FOS: variants seen among roughly 807,000 people sequenced by gnomAD.
FOS encodes protein c-Fos.
A neutral mutation model predicts 27.2 loss-of-function variants in FOS; 9 were observed. That is an observed-to-expected ratio of 0.33 (90% CI 0.20 to 0.58). FOS has a LOEUF of 0.58. FOS is among the 20% of genes least tolerant of loss of function. FOS has a pLI of 0.87. For missense variants in FOS, 405 were observed against 483.5 expected (o/e 0.84, Z 1.52); for synonymous variants, 213 against 205.1 (o/e 1.04, Z -0.33).
chr14:75,281,680 G>A lies in FOS; in HGVS notation c.*256G>A, dbSNP rs191761474. The A allele has an allele frequency of 2.0e-6, 1 of 511,114 alleles. No homozygotes were observed. The highest frequency in any genetic ancestry group is 3.4e-5 in the Admixed American group (1 of 29,786). 31.7% of individuals were successfully genotyped at this position (511,114 alleles called of 1,614,324 possible). The stretch of plus-strand genomic sequence containing the variant: ...GTTCCCAGTGACACTTCAGAGAGCT[G>A]GTAGTTAGTAGCATGTTGAGCCAGG... On this transcript the variant is annotated 3_prime_UTR_variant, in exon 4 of 4. Coordinates refer to ENST00000303562, the MANE Select transcript of FOS (RefSeq NM_005252.4). The surrounding 1 kb of genome is among the most constrained non-coding windows in gnomAD (Gnocchi z 4.7).
rs1317506907 is a variant in FOS at position 75,281,187 on chromosome 14, C to G, written c.906C>G (p.Asp302Glu). ...TATCTGGGTCCTTCTATGCAGCAGA[C>G]TGGGAGCCTCTGCACAGTGGCTCCC... is the stretch of plus-strand genomic sequence containing the variant. The part of the protein sequence containing the change: ...MDLSGSFYAA[D>E]WEPLHSGSLG... The change falls in exon 4 of 4, where the codon GAC becomes GAG. Residue 302 changes from aspartate to glutamate, a missense_variant. Coordinates refer to ENST00000303562, the MANE Select transcript of FOS (RefSeq NM_005252.4). The surrounding 1 kb of genome is among the most constrained non-coding windows in gnomAD (Gnocchi z 4.7). 1 of 1,612,346 alleles carries G rather than the reference C, an allele frequency of 6.2e-7. No homozygotes were observed. The highest frequency in any genetic ancestry group is 8.5e-7 in the Non-Finnish European group (1 of 1,180,030).
At position 75,281,528 on chromosome 14, in the gene FOS, C is replaced by T; in HGVS notation, c.*104C>T. 1.6e-6 allele frequency: 2 copies of T among 1,265,312 alleles called. No individual in the cohort carries two copies. The highest frequency in any genetic ancestry group is 2.2e-6 in the Non-Finnish European group (2 of 925,962). 78.4% of individuals were successfully genotyped at this position (1,265,312 alleles called of 1,614,324 possible). A position where few individuals can be genotyped will look rare whatever the true frequency, so the allele number is the denominator to read the frequency against. ...TCTTCCCTAGAGGGTTCCTGTAGACCTAGGGAGGACCTTATCTGTGCGTGA... is the reference window on the plus strand; with the variant it reads ...TCTTCCCTAGAGGGTTCCTGTAGACTTAGGGAGGACCTTATCTGTGCGTGA... On this transcript the variant is annotated 3_prime_UTR_variant, in exon 4 of 4. Transcript: ENST00000303562. The surrounding 1 kb of genome is among the most constrained non-coding windows in gnomAD (Gnocchi z 4.7).
chr14:75,279,326 T>C lies in FOS; in HGVS notation c.141+203T>C. On this transcript the variant is annotated intron_variant, in intron 1 of 3. Transcript: ENST00000303562. The surrounding 1 kb of genome is among the most constrained non-coding windows in gnomAD (Gnocchi z 5.4). ...GCCATAGTAAGAATTGGTTCCCCCTTCGGGAGGCAGGTTCGTTCTGAGCAA... is the reference window on the plus strand; with the variant it reads ...GCCATAGTAAGAATTGGTTCCCCCTCCGGGAGGCAGGTTCGTTCTGAGCAA... 1.5e-6 allele frequency: 1 copy of C among 678,856 alleles called. No homozygotes were observed. Among genetic ancestry groups the C allele is most frequent in the Non-Finnish European group, 2.5e-6 (1 of 407,118 alleles). 42.1% of individuals were successfully genotyped at this position (678,856 alleles called of 1,614,324 possible). A position where few individuals can be genotyped will look rare whatever the true frequency, so the allele number is the denominator to read the frequency against.
intron 2 of FOS, chr14:75,280,340 T>A (rs373478911): frequency 1.1e-5 from 8 of 711,420 alleles, no homozygotes; most frequent in South Asian, 3.6e-5. Flanking sequence ...CCTAAGTTTC[T>A]TACCGCATGC....
rs139508491 is a variant in FOS at position 75,279,040 on chromosome 14, G to A, written c.58G>A (p.Ala20Thr). 1 of 1,613,700 alleles carries A rather than the reference G, an allele frequency of 6.2e-7. No individual in the cohort carries two copies. The highest frequency in any genetic ancestry group is 8.5e-7 in the Non-Finnish European group (1 of 1,179,936). The change falls in exon 1 of 4, where the codon GCG (alanine) becomes ACG (threonine). Residue 20 changes from alanine to threonine, a missense_variant. By Grantham distance (58) the Ala-to-Thr change is moderately conservative (BLOSUM62 0). Transcript: ENST00000303562. The surrounding 1 kb of genome is among the most constrained non-coding windows in gnomAD (Gnocchi z 5.4). Reference sequence around the variant, plus strand: ...GGCGTCATCCTCCCGCTGCAGCAGCGCGTCCCCGGCCGGGGATAGCCTCTC... The same window carrying A: ...GGCGTCATCCTCCCGCTGCAGCAGCACGTCCCCGGCCGGGGATAGCCTCTC... ...YEASSSRCSS[A>T]SPAGDSLSYY... is the part of the protein sequence containing the mutation.
In FOS at chr14:75,281,127, C is replaced by A. The variant is rs2229024; in HGVS notation, c.846C>A (p.Gly282=). 14 of 1,609,454 alleles carry A rather than the reference C, an allele frequency of 8.7e-6. No individual in the cohort carries two copies. In the South Asian group the frequency reaches 1.4e-4, roughly 16 times the overall value. The change falls in exon 4 of 4, where the codon GGC becomes GGA. Residue 282 remains glycine (G), a synonymous_variant. Transcript: ENST00000303562. The surrounding 1 kb of genome is among the most constrained non-coding windows in gnomAD (Gnocchi z 4.7). ...TCCCAGCATCATCCAGGCCCAGTGG[C>A]TCTGAGACAGCCCGCTCCGTGCCAG... ...FLFPASSRPS[G]SETARSVPDM...
Position 75,280,875 on chromosome 14 carries a change from A to T in FOS, c.594A>T (p.Ala198=). The change falls in exon 4 of 4, where the codon GCA becomes GCT. Residue 198 remains alanine (A), a synonymous_variant. Coordinates refer to ENST00000303562, the MANE Select transcript of FOS (RefSeq NM_005252.4). ...AGGAAAAACTAGAGTTCATCCTGGC[A>T]GCTCACCGACCTGCCTGCAAGATCC... ...KEKEKLEFIL[A]AHRPACKIPD... 5 of 1,614,166 alleles carry T rather than the reference A, an allele frequency of 3.1e-6. No homozygotes were observed. The highest frequency in any genetic ancestry group is 4.2e-6 in the Non-Finnish European group (5 of 1,180,006).
Position 75,281,559 on chromosome 14 carries a change from AC to A in FOS, c.*137del. ...AGGACCTTATCTGTGCGTGAAACACACCAGGCTGTGGGCCTCAAGGACTTGA... is the reference window on the plus strand; with the variant it reads ...AGGACCTTATCTGTGCGTGAAACACACAGGCTGTGGGCCTCAAGGACTTGA... On this transcript the variant is annotated 3_prime_UTR_variant, in exon 4 of 4. Transcript: ENST00000303562. This position sits in a 1 kb window ranked among gnomAD's most constrained non-coding sequence, Gnocchi z 4.7. 1.0e-6 allele frequency: 1 copy of A among 972,498 alleles called. No homozygotes were observed. The allele number at this position is 972,498 out of a possible 1,614,324, so 60.2% of individuals were successfully genotyped here. A position where few individuals can be genotyped will look rare whatever the true frequency, so the allele number is the denominator to read the frequency against.
Position 75,278,849 on chromosome 14 carries a change from C to T in FOS, c.-134C>T. Reference sequence around the variant, plus strand: ...CTCCAACCGCATCTGCAGCGAGCATCTGAGAAGCCAAGACTGAGCCGGCGG... The same window carrying T: ...CTCCAACCGCATCTGCAGCGAGCATTTGAGAAGCCAAGACTGAGCCGGCGG... On this transcript the variant is annotated 5_prime_UTR_variant, in exon 1 of 4. Transcript: ENST00000303562. This position sits in a 1 kb window ranked among gnomAD's most constrained non-coding sequence, Gnocchi z 4.1. 9.5e-7 allele frequency: 1 copy of T among 1,048,848 alleles called. No homozygotes were observed. Among genetic ancestry groups the T allele is most frequent in the Non-Finnish European group, 1.4e-6 (1 of 726,576 alleles). The allele number at this position is 1,048,848 out of a possible 1,614,324, so 65.0% of individuals were successfully genotyped here.
chr14:75,278,901 C>T lies in FOS; in HGVS notation c.-82C>T. 1 of 1,546,946 alleles carries T rather than the reference C, an allele frequency of 6.5e-7. No individual in the cohort carries two copies. Among genetic ancestry groups the T allele is most frequent in the South Asian group, 1.2e-5 (1 of 86,776 alleles). Reference sequence around the variant, plus strand: ...CGCGGCGCAGCGAACGAGCAGTGACCGTGCTCCTACCCAGCTCTGCTCCAC... The same window carrying T: ...CGCGGCGCAGCGAACGAGCAGTGACTGTGCTCCTACCCAGCTCTGCTCCAC... On this transcript the variant is annotated 5_prime_UTR_variant, in exon 1 of 4. Transcript: ENST00000303562. The surrounding 1 kb of genome is among the most constrained non-coding windows in gnomAD (Gnocchi z 4.1).
rs550538028 is a variant in FOS, at chr14:75,281,658, C to T, written c.*234C>T. Reference sequence around the variant, plus strand: ...CAAAACGCATGGAGTGTGTATTGTTCCCAGTGACACTTCAGAGAGCTGGTA... The same window carrying T: ...CAAAACGCATGGAGTGTGTATTGTTTCCAGTGACACTTCAGAGAGCTGGTA... On this transcript the variant is annotated 3_prime_UTR_variant, in exon 4 of 4. Coordinates refer to ENST00000303562, the MANE Select transcript of FOS (RefSeq NM_005252.4). The surrounding 1 kb of genome is among the most constrained non-coding windows in gnomAD (Gnocchi z 4.7). 48 of 554,728 alleles carry T rather than the reference C, an allele frequency of 8.7e-5. No individual in the cohort carries two copies. The South Asian group carries it at 1.1e-3, about 12-fold the overall frequency. The allele number at this position is 554,728 out of a possible 1,614,324, so 34.4% of individuals were successfully genotyped here.
intron 2 of FOS, 116 bp downstream of exon 2, chr14:75,280,244 C>G: frequency 3.6e-6 from 5 of 1,407,204 alleles, no homozygotes; most frequent in South Asian, 1.2e-5. Flanking sequence ...GCTGCACATC[C>G]GTAACTGGGA....
At position 75,281,258 on chromosome 14, in the gene FOS, C is replaced by G; in HGVS notation, c.977C>G (p.Pro326Arg). 6.2e-7 allele frequency: 1 copy of G among 1,612,002 alleles called. No homozygotes were observed. The highest frequency in any genetic ancestry group is 8.5e-7 in the Non-Finnish European group (1 of 1,180,022). ...ACAGAGCTGGAGCCCCTGTGCACTC[C>G]GGTGGTCACCTGTACTCCCAGCTGC... ...MATELEPLCT[P>R]VVTCTPSCTA... is the part of the protein sequence containing the mutation. Residue 326 changes from proline to arginine, a missense_variant, in exon 4 of 4, where the codon CCG becomes CGG. Pro to Arg is a moderately radical substitution (Grantham distance 103, BLOSUM62 -2). Transcript: ENST00000303562. This position sits in a 1 kb window ranked among gnomAD's most constrained non-coding sequence, Gnocchi z 4.7.
rs1272256875 is a variant in FOS, at chr14:75,279,199, A to G, written c.141+76A>G. ...GAGGAGACACCGGGCGGGACGCTCC[A>G]GTAGATGAGTAGGGGGCTCCCTTGT... On this transcript the variant is annotated intron_variant, in intron 1 of 3. Transcript: ENST00000303562. This position sits in a 1 kb window ranked among gnomAD's most constrained non-coding sequence, Gnocchi z 5.4. 2 of 1,578,592 alleles carry G rather than the reference A, an allele frequency of 1.3e-6. No homozygotes were observed. Among genetic ancestry groups the G allele is most frequent in the African/African-American group, 1.3e-5 (1 of 74,292 alleles).
chr14:75,281,634 A>C lies in FOS; in HGVS notation c.*210A>C. On this transcript the variant is annotated 3_prime_UTR_variant, in exon 4 of 4. Coordinates refer to ENST00000303562, the MANE Select transcript of FOS (RefSeq NM_005252.4). This position sits in a 1 kb window ranked among gnomAD's most constrained non-coding sequence, Gnocchi z 4.7. ...TCCTTACCTCTTCCGGAGATGTAGCAAAACGCATGGAGTGTGTATTGTTCC... is the reference window on the plus strand; with the variant it reads ...TCCTTACCTCTTCCGGAGATGTAGCCAAACGCATGGAGTGTGTATTGTTCC... 1 of 598,684 alleles carries C rather than the reference A, an allele frequency of 1.7e-6. No homozygotes were observed. The highest frequency in any genetic ancestry group is 3.0e-6 in the Non-Finnish European group (1 of 337,548). 37.1% of individuals were successfully genotyped at this position (598,684 alleles called of 1,614,324 possible).
At chr14:75,280,428 G>A in intron 2 of FOS, 132 bp from the exon 3 acceptor site, 2 of 742,312 alleles carry the variant, frequency 2.7e-6, no homozygotes, top group Non-Finnish European at 4.5e-6. Context: ...TGCAACTGCA[G>A]GTCAGAAATG....
chr14:75,281,339 G>A lies in FOS; in HGVS notation c.1058G>A (p.Ser353Asn). 6.2e-7 allele frequency: 1 copy of A among 1,610,060 alleles called. No homozygotes were observed. Among genetic ancestry groups the A allele is most frequent in the Non-Finnish European group, 8.5e-7 (1 of 1,179,988 alleles). ...TACCCCGAGGCTGACTCCTTCCCCA[G>A]CTGTGCAGCTGCCCACCGCAAGGGC... ...FTYPEADSFP[S>N]CAAAHRKGSS... is the part of the protein sequence containing the mutation. The change falls in exon 4 of 4, where the codon AGC becomes AAC. Residue 353 changes from serine to asparagine, a missense_variant. Ser to Asn is a conservative substitution (Grantham distance 46). Coordinates refer to ENST00000303562, the MANE Select transcript of FOS (RefSeq NM_005252.4). This position sits in a 1 kb window ranked among gnomAD's most constrained non-coding sequence, Gnocchi z 4.7.
In FOS at chr14:75,281,138, C is replaced by T. The variant is rs759908258; in HGVS notation, c.857C>T (p.Ala286Val). The T allele has an allele frequency of 6.2e-7, 1 of 1,609,750 alleles. No homozygotes were observed. The highest frequency in any genetic ancestry group is 8.5e-7 in the Non-Finnish European group (1 of 1,180,020). ...TCCAGGCCCAGTGGCTCTGAGACAG[C>T]CCGCTCCGTGCCAGACATGGACCTA... is the stretch of plus-strand genomic sequence containing the variant. ...ASSRPSGSETARSVPDMDLSG... is the reference protein window; with the variant it reads ...ASSRPSGSETVRSVPDMDLSG... Residue 286 changes from alanine (A) to valine (V), a missense_variant, in exon 4 of 4, where the codon GCC becomes GTC. Transcript: ENST00000303562. This position sits in a 1 kb window ranked among gnomAD's most constrained non-coding sequence, Gnocchi z 4.7.
rs1407117542 is a variant in FOS, at chr14:75,281,387, C to T, written c.1106C>T (p.Ser369Phe). Residue 369 changes from serine (S) to phenylalanine (F), a missense_variant, in exon 4 of 4, where the codon TCT (serine) becomes TTT (phenylalanine). Physicochemically the swap from Ser to Phe is radical, Grantham distance 155. Transcript: ENST00000303562. The surrounding 1 kb of genome is among the most constrained non-coding windows in gnomAD (Gnocchi z 4.7). ...RKGSSSNEPS[S>F]DSLSSPTLLA... Reference sequence around the variant, plus strand: ...GGCAGCAGCAGCAATGAGCCTTCCTCTGACTCGCTCAGCTCACCCACGCTG... The same window carrying T: ...GGCAGCAGCAGCAATGAGCCTTCCTTTGACTCGCTCAGCTCACCCACGCTG... 6.2e-7 allele frequency: 1 copy of T among 1,611,820 alleles called. No individual in the cohort carries two copies. Among genetic ancestry groups the T allele is most frequent in the Non-Finnish European group, 8.5e-7 (1 of 1,180,000 alleles).
Sources: gnomAD v4.1 joint callset for allele counts on GRCh38, gnomAD v4.1.1 for gene constraint, Gnocchi (gnomAD v3.1) non-coding constraint, MANE v1.5 for transcripts, NCBI Gene and HGNC (gene_info 2026-07-23, HGNC 2026-07-21) for gene names.